The following EPB41L4B variants were observed in gnomAD, a reference collection of about 807,000 sequenced individuals.
EPB41L4B encodes erythrocyte membrane protein band 4.1 like 4B.
Under a neutral mutation model 112.5 loss-of-function variants are expected in EPB41L4B, and 30 were observed. The ratio of observed to expected loss-of-function variants is 0.27; its 90% CI spans 0.20 to 0.36. The LOEUF (loss-of-function observed/expected upper bound fraction) is 0.36, where lower values mean the gene tolerates loss of function less well. Ranked by LOEUF, EPB41L4B falls within the 10% of genes least tolerant of loss-of-function variation. The probability of loss-of-function intolerance (pLI) is 1.00; values close to 1 mark genes in which losing one functional copy is unlikely to be tolerated. For synonymous variants in EPB41L4B, 408 were observed against 439.7 expected (o/e 0.93, Z 0.90); for missense variants, 1,024 against 1,133.3 (o/e 0.90, Z 1.38).
At chr9:109,190,997 C>G (rs1473964692) in intron 22 of EPB41L4B, among the ~76,000 whole-genome samples, 1 of 152,172 alleles carries the variant, frequency 6.6e-6, no homozygotes, top group Admixed American at 6.5e-5. Context: ...AGGCCTGGTC[C>G]CCTGAGATAG....
intron 1 of EPB41L4B, among the ~76,000 whole-genome samples, chr9:109,290,878 A>C (rs1836502906): frequency 6.6e-6 from 1 of 152,114 alleles, no homozygotes. Flanking sequence ...ATAAATACGA[A>C]TATCTGAAAT....
chr9:109,215,842 G>C (rs1310525583), intron 16 of EPB41L4B, among the ~76,000 whole-genome samples: 1 of 152,122 alleles, frequency 6.6e-6, no homozygotes, highest in Non-Finnish European at 1.5e-5. Context: ...CAATATTTCT[G>C]GGCTGGGTAT....
intron 7 of EPB41L4B, among the ~76,000 whole-genome samples, chr9:109,256,707 C>T (rs1834996629): frequency 6.6e-6 from 1 of 152,240 alleles, no homozygotes; most frequent in Non-Finnish European, 1.5e-5. Context: ...CTTTGGGAGG[C>T]CAAGGTTGGT....
At chr9:109,210,956 GTTTGGGGATATCA>G (rs1483777872) in intron 17 of EPB41L4B, among the ~76,000 whole-genome samples, 1 of 152,194 alleles carries the variant, frequency 6.6e-6, no homozygotes, top group African/African-American at 2.4e-5. Context: ...TAGTCCGTCT[GTTTGGGGATATCA>G]TTTGGGGATA....
At chr9:109,181,800 T>C (rs1832065012) in intron 24 of EPB41L4B, among the ~76,000 whole-genome samples, 2 of 152,184 alleles carry the variant, frequency 1.3e-5, no homozygotes, top group Admixed American at 6.5e-5. Context: ...TACACACATA[T>C]GCATAGCAGC....
At chr9:109,264,933 C>T (rs2096931958) in intron 5 of EPB41L4B, 47 bp downstream of exon 5, 2 of 1,497,944 alleles carry the variant, frequency 1.3e-6, no homozygotes, top group Non-Finnish European at 9.0e-7. Context: ...TTTTGAAATA[C>T]ACTATGATCT....
chr9:109,188,026 AT>A (rs1412191973), intron 22 of EPB41L4B, among the ~76,000 whole-genome samples: 1 of 152,102 alleles, frequency 6.6e-6, no homozygotes, highest in Non-Finnish European at 1.5e-5. Context: ...TTCTCCTAGT[AT>A]TTCCTTTCTT....
At chr9:109,226,859 A>G (rs1474666626) in intron 15 of EPB41L4B, among the ~76,000 whole-genome samples, 6 of 150,780 alleles carry the variant, frequency 4.0e-5, no homozygotes, top group Non-Finnish European at 8.9e-5. Flanking sequence ...TTTTTTACAG[A>G]CAGGGTTTCC....
At chr9:109,226,672 TATA>T (rs1833777753) in intron 15 of EPB41L4B, among the ~76,000 whole-genome samples, 1 of 44,344 alleles carries the variant, frequency 2.3e-5, no homozygotes, top group Non-Finnish European at 4.9e-5. Flanking sequence ...ATGAAGAATA[TATA>T]TATATGAAGA....
chr9:109,318,025 T>A (rs1225200858), intron 1 of EPB41L4B, among the ~76,000 whole-genome samples: 1 of 152,160 alleles, frequency 6.6e-6, no homozygotes, highest in Non-Finnish European at 1.5e-5. Context: ...AGTCCTAATA[T>A]CTAATAAATC....
intron 20 of EPB41L4B, among the ~76,000 whole-genome samples, chr9:109,198,766 TG>T (rs1441128240): frequency 4.0e-5 from 6 of 151,708 alleles, no homozygotes; most frequent in Admixed American, 6.6e-5. Flanking sequence ...AAAAATTAGC[TG>T]GGTGTGGTGG....
intron 1 of EPB41L4B, among the ~76,000 whole-genome samples, chr9:109,292,349 G>A (rs1444636749): frequency 6.6e-6 from 1 of 152,130 alleles, no homozygotes; most frequent in Admixed American, 6.5e-5. Flanking sequence ...CTACTGACAG[G>A]GACATTAACA....
Position 109,185,492 on chromosome 9 carries a change from C to G in EPB41L4B, c.2415G>C (p.Arg805Ser). Residue 805 changes from arginine to serine, a missense_variant, in exon 23 of 26, where the codon AGG becomes AGC. Coordinates refer to ENST00000374566, the MANE Select transcript of EPB41L4B (RefSeq NM_019114.5). ...CTCTCCCTGCCAGGGTACCTACCAGCCTCGTTTTGATTGGAGGGTACATGC... is the reference window on the plus strand; with the variant it reads ...CTCTCCCTGCCAGGGTACCTACCAGGCTCGTTTTGATTGGAGGGTACATGC... ...GVCMYPPIKT[R>S]LIKTFPVDTM... 3 of 1,613,688 alleles carry G rather than the reference C, an allele frequency of 1.9e-6. No individual in the cohort carries two copies.
At position 109,233,560 on chromosome 9, in the gene EPB41L4B, T is replaced by C. The variant is rs1409694227; in HGVS notation, c.1409+10058A>G. 2.0e-5 allele frequency among the ~76,000 whole-genome samples: 3 copies of C among 147,778 alleles called. No individual in the cohort carries two copies. In the East Asian group the frequency reaches 5.9e-4, roughly 29 times the overall value. ...TTTTTTTTTTTTTTGAGATGGAGTC[T>C]CGCTCTGTCACCCAGGCTGGAGTGC... On this transcript the variant is annotated intron_variant, in intron 15 of 25. Coordinates refer to ENST00000374566, the MANE Select transcript of EPB41L4B (RefSeq NM_019114.5).
chr9:109,321,000 G>T lies in EPB41L4B; in HGVS notation c.-554C>A. The T allele has an allele frequency of 5.5e-6, 1 of 182,492 alleles. No homozygotes were observed. The allele number at this position is 182,492 out of a possible 1,614,324, so 11.3% of individuals were successfully genotyped here. Reference sequence around the variant, plus strand: ...GCCCCCGCCTCCCACCTGGGAGGCTGCACCTCCAGCCGCCGCCGCCGCCGC... The same window carrying T: ...GCCCCCGCCTCCCACCTGGGAGGCTTCACCTCCAGCCGCCGCCGCCGCCGC... On this transcript the variant is annotated 5_prime_UTR_variant, in exon 1 of 26. Transcript: ENST00000374566.
At chr9:109,295,003 T>C (rs759861868) in intron 1 of EPB41L4B, among the ~76,000 whole-genome samples, 1 of 152,100 alleles carries the variant, frequency 6.6e-6, no homozygotes, top group Non-Finnish European at 1.5e-5. Flanking sequence ...GAGGAAAGTG[T>C]TGCGAGATGC....
intron 15 of EPB41L4B, among the ~76,000 whole-genome samples, chr9:109,226,782 AG>A (rs1339888065): frequency 1.4e-5 from 2 of 146,694 alleles, no homozygotes; most frequent in Non-Finnish European, 3.0e-5. Flanking sequence ...ATATATATGA[AG>A]AATATATATG....
chr9:109,205,493 G>A (rs1832965582), intron 18 of EPB41L4B, among the ~76,000 whole-genome samples: 1 of 152,158 alleles, frequency 6.6e-6, no homozygotes, highest in African/African-American at 2.4e-5. Flanking sequence ...TGCAAAATAT[G>A]TGTCAGTTTT....
At chr9:109,276,105 CTA>C (rs935318002) in intron 2 of EPB41L4B, among the ~76,000 whole-genome samples, 10 of 142,890 alleles carry the variant, frequency 7.0e-5, no homozygotes, top group African/African-American at 2.6e-4. Context: ...ATATGTGTAT[CTA>C]TATACACATA....
Sources: gnomAD v4.1 joint callset for allele counts (sites outside exome capture counted in the v4.1 genomes callset) on GRCh38, gnomAD v4.1.1 for gene constraint, MANE v1.5 for transcripts, NCBI Gene and HGNC (gene_info 2026-07-23, HGNC 2026-07-21) for gene names.